Variants in BTBD16 observed in about 807,000 individuals in gnomAD.
The protein encoded by BTBD16 is BTB/POZ domain-containing protein 16.
A neutral mutation model predicts 67.4 loss-of-function variants in BTBD16; 66 were observed. The ratio of observed to expected loss-of-function variants is 0.98; its 90% CI spans 0.80 to 1.20. The LOEUF (loss-of-function observed/expected upper bound fraction) is 1.20, where lower values mean the gene tolerates loss of function less well. Ranked by LOEUF, BTBD16 falls within the 50% of genes most tolerant of loss-of-function variation. The pLI is 0.00. For synonymous variants in BTBD16, 242 were observed against 236.4 expected, an observed-to-expected ratio of 1.02 and a Z score of -0.22; for missense variants, 634 against 616.0, an observed-to-expected ratio of 1.03 and a Z score of -0.31.
chr10:122,298,908 C>G lies in BTBD16; in HGVS notation c.661-96C>G, dbSNP rs896715478. On this transcript the variant is annotated intron_variant, in intron 8 of 15. Transcript: ENST00000260723. Reference sequence around the variant, plus strand: ...AAAGGTTTGAGCGCCTCTGCAGTGACTCTCCCTCTGAGCACACGTGTAGTG... The same window carrying G: ...AAAGGTTTGAGCGCCTCTGCAGTGAGTCTCCCTCTGAGCACACGTGTAGTG... The G allele has an allele frequency of 2.0e-6, 3 of 1,514,596 alleles. No individual in the cohort carries two copies. The South Asian group carries it at 3.8e-5, about 19-fold the overall frequency. The allele number at this position is 1,514,596 out of a possible 1,614,324, so 93.8% of individuals were successfully genotyped here.
chr10:122,326,671 C>T (rs1477590877), intron 10 of BTBD16, among the ~76,000 whole-genome samples: 1 of 152,112 alleles, frequency 6.6e-6, no homozygotes, highest in Non-Finnish European at 1.5e-5. Flanking sequence ...TACTGTCTTT[C>T]CGAGTCTATG....
chr10:122,283,929 G>A lies in BTBD16; in HGVS notation c.241+5G>A, dbSNP rs746472557. On this transcript the variant is annotated splice_donor_5th_base_variant and intron_variant, in intron 4 of 15. Coordinates refer to ENST00000260723, the MANE Select transcript of BTBD16 (RefSeq NM_144587.5). ...ACATCCAAAGTGGGGAAGCAGGTGA[G>A]TTTGTGTTATCCATGGATTAAGCCA... 6 of 1,609,558 alleles carry A rather than the reference G, an allele frequency of 3.7e-6. 1 individual carries two copies. The South Asian group carries it at 6.6e-5, about 18-fold the overall frequency.
At chr10:122,327,177 GA>G (rs1590095030) in intron 10 of BTBD16, among the ~76,000 whole-genome samples, 1 of 152,170 alleles carries the variant, frequency 6.6e-6, no homozygotes, top group East Asian at 1.9e-4. Flanking sequence ...TCTGAGGGTG[GA>G]CCACAACCCT....
chr10:122,332,704 G>A (rs563497836), intron 13 of BTBD16, 191 bp downstream of exon 13: 1 of 687,198 alleles, frequency 1.5e-6, no homozygotes, highest in Non-Finnish European at 1.8e-6. Flanking sequence ...GAGGGGCCTG[G>A]GGCGGGCCAT....
chr10:122,318,584 A>AT (rs553975740), intron 10 of BTBD16, among the ~76,000 whole-genome samples: 4 of 151,768 alleles, frequency 2.6e-5, no homozygotes, highest in East Asian at 1.9e-4. Flanking sequence ...TGGTTGGACT[A>AT]TTTTTTTTGT....
chr10:122,284,544 T>C (rs748341297), intron 4 of BTBD16, among the ~76,000 whole-genome samples: 24 of 152,164 alleles, frequency 1.6e-4, no homozygotes, highest in Non-Finnish European at 2.9e-4. Flanking sequence ...TAACCAGTCA[T>C]GACTTGGACG....
At chr10:122,293,704 G>A (rs931967553) in intron 7 of BTBD16, among the ~76,000 whole-genome samples, 3 of 152,188 alleles carry the variant, frequency 2.0e-5, no homozygotes, top group Non-Finnish European at 4.4e-5. Context: ...GCCCAGCATA[G>A]CCTTGTGATG....
Position 122,337,997 on chromosome 10 carries a change from T to C in BTBD16, c.1453-20T>C, listed in dbSNP as rs371443163. 4.8e-5 allele frequency: 76 copies of C among 1,598,764 alleles called. No homozygotes were observed. The highest frequency in any genetic ancestry group is 6.1e-5 in the Non-Finnish European group (71 of 1,167,050). ...TTCATCCTAAAAGTCACATTCACTT[T>C]GTTTTTTTTCATGTTTTAGACCTTG... On this transcript the variant is annotated intron_variant, in intron 15 of 15. Coordinates refer to ENST00000260723, the MANE Select transcript of BTBD16 (RefSeq NM_144587.5).
chr10:122,316,171 G>T (rs1270307692), intron 10 of BTBD16, among the ~76,000 whole-genome samples: 1 of 152,140 alleles, frequency 6.6e-6, no homozygotes, highest in Non-Finnish European at 1.5e-5. Context: ...GGAGGCTGAG[G>T]CAAGAGAATC....
chr10:122,287,386 A>ACATGT, intron 5 of BTBD16: 1 of 977,790 alleles, frequency 1.0e-6, no homozygotes, highest in Non-Finnish European at 1.2e-6. Flanking sequence ...ACGGTCTTTA[A>ACATGT]CATGTCTAGA....
At chr10:122,302,365 A>G (rs2096395640) in intron 9 of BTBD16, among the ~76,000 whole-genome samples, 1 of 152,124 alleles carries the variant, frequency 6.6e-6, no homozygotes, top group South Asian at 2.1e-4. Flanking sequence ...AATATTAAGA[A>G]GCTTTCATTC....
intron 9 of BTBD16, among the ~76,000 whole-genome samples, chr10:122,304,728 T>G: frequency 6.6e-6 from 1 of 152,056 alleles, no homozygotes; most frequent in East Asian, 1.9e-4. Context: ...TAATTTTTTG[T>G]ATTTTTAGTA....
In BTBD16 at chr10:122,297,773, T is replaced by C. The variant is rs373320691; in HGVS notation, c.596T>C (p.Val199Ala). The C allele has an allele frequency of 6.2e-6, 10 of 1,613,944 alleles. 1 individual carries two copies. The highest frequency in any genetic ancestry group is 1.3e-5 in the African/African-American group (1 of 74,904). Residue 199 changes from valine (V) to alanine (A), a missense_variant, in exon 8 of 16, where the codon GTG becomes GCG. By Grantham distance (64) the Val-to-Ala change is moderately conservative. Coordinates refer to ENST00000260723, the MANE Select transcript of BTBD16 (RefSeq NM_144587.5). ...CTGCAGTTCTCTCTCTCCAGGTGCGTGGATGTGATGATAGCCAGACTCAAG... is the reference window on the plus strand; with the variant it reads ...CTGCAGTTCTCTCTCTCCAGGTGCGCGGATGTGATGATAGCCAGACTCAAG... ...LQFSGLFQRC[V>A]DVMIARLKPS...
rs374395503 is a variant in BTBD16 at position 122,328,355 on chromosome 10, C to T, written c.912-1125C>T. Among the ~76,000 whole-genome samples, 60 of 152,302 alleles carry T rather than the reference C, an allele frequency of 3.9e-4. No homozygotes were observed. The South Asian group carries it at 0.012, about 30-fold the overall frequency. On this transcript the variant is annotated intron_variant, in intron 10 of 15. Coordinates refer to ENST00000260723, the MANE Select transcript of BTBD16 (RefSeq NM_144587.5). ...TGCTCTGTCCACCTCCAGAGACAGG[C>T]ACAGGGTAGATACTGGTAAATAACC...
intron 10 of BTBD16, among the ~76,000 whole-genome samples, chr10:122,323,548 T>C (rs533597824): frequency 4.6e-4 from 70 of 152,310 alleles, no homozygotes; most frequent in African/African-American, 1.6e-3. Context: ...GTCAGTATTA[T>C]TAGAAGCAGA....
intron 5 of BTBD16, among the ~76,000 whole-genome samples, chr10:122,287,007 C>G (rs2096365079): frequency 6.6e-6 from 1 of 152,208 alleles, no homozygotes; most frequent in Admixed American, 6.5e-5. Context: ...GACATGACAG[C>G]AAAGCCCTGT....
intron 4 of BTBD16, among the ~76,000 whole-genome samples, chr10:122,285,453 G>A (rs75663400): frequency 6.6e-6 from 1 of 152,260 alleles, no homozygotes; most frequent in African/African-American, 2.4e-5. Context: ...TCCTACCCTC[G>A]TTGGTGGGCC....
chr10:122,273,245 TAC>T (rs1554885566), intron 1 of BTBD16, among the ~76,000 whole-genome samples: 12 of 139,420 alleles, frequency 8.6e-5, no homozygotes, highest in South Asian at 2.3e-4. Flanking sequence ...TATATATATA[TAC>T]ACACATACAT....
At chr10:122,301,151 T>C (rs550106307) in intron 9 of BTBD16, among the ~76,000 whole-genome samples, 1 of 152,274 alleles carries the variant, frequency 6.6e-6, no homozygotes, top group South Asian at 2.1e-4. Flanking sequence ...GAGCAAAGGT[T>C]GCGCAATTGT....
Sources: gnomAD v4.1 joint callset for allele counts (sites outside exome capture counted in the v4.1 genomes callset) on GRCh38, gnomAD v4.1.1 for gene constraint, MANE v1.5 for transcripts, NCBI Gene and HGNC (gene_info 2026-07-23, HGNC 2026-07-21) for gene names.